TIAM1: variants seen among roughly 807,000 people sequenced by gnomAD.
The protein encoded by TIAM1 is TIAM Rac1 associated GEF 1.
TIAM1 carries 65 observed loss-of-function variants against 163.5 expected under a neutral mutation model. The observed-to-expected ratio is 0.40, with a 90% confidence interval of 0.33 to 0.49. The LOEUF (loss-of-function observed/expected upper bound fraction) is 0.49, where lower values mean the gene tolerates loss of function less well. Ranked by LOEUF, TIAM1 falls within the 20% of genes least tolerant of loss-of-function variation. The pLI, the probability that TIAM1 is intolerant of heterozygous loss-of-function variation, is 0.77. For missense variants in TIAM1, 1,789 were observed against 2,044.7 expected, an observed-to-expected ratio of 0.87 and a Z score of 2.41; for synonymous variants, 833 against 810.1, an observed-to-expected ratio of 1.03 and a Z score of -0.48.
intron 2 of TIAM1, among the ~76,000 whole-genome samples, chr21:31,294,418 C>T (rs978915518): frequency 1.3e-5 from 2 of 152,192 alleles, no homozygotes; most frequent in Non-Finnish European, 2.9e-5. Context: ...TCTGCTTCTC[C>T]ACCACAGAGC....
intron 2 of TIAM1, among the ~76,000 whole-genome samples, chr21:31,325,197 C>A (rs1052273721): frequency 2.6e-5 from 4 of 151,714 alleles, no homozygotes; most frequent in Non-Finnish European, 5.9e-5. Flanking sequence ...GGTAGGAAGA[C>A]CACTTGAGCC....
intron 2 of TIAM1, among the ~76,000 whole-genome samples, chr21:31,410,568 T>C (rs1207510893): frequency 1.3e-5 from 2 of 151,962 alleles, no homozygotes; most frequent in East Asian, 3.9e-4. Flanking sequence ...TGAGCAACTG[T>C]GTAAGAATGT....
chr21:31,275,732 C>A (rs1415397360), intron 3 of TIAM1, among the ~76,000 whole-genome samples: 1 of 152,162 alleles, frequency 6.6e-6, no homozygotes, highest in African/African-American at 2.4e-5. Flanking sequence ...TGCCTTATAA[C>A]AAGGGCACTT....
intron 2 of TIAM1, among the ~76,000 whole-genome samples, chr21:31,404,037 C>A (rs1344436631): frequency 6.6e-6 from 1 of 152,186 alleles, no homozygotes; most frequent in Admixed American, 6.5e-5. Context: ...GAAATCCACT[C>A]TAACAGTTAT....
At chr21:31,147,687 T>C (rs1429101915) in intron 19 of TIAM1, among the ~76,000 whole-genome samples, 1 of 144,968 alleles carries the variant, frequency 6.9e-6, no homozygotes, top group Non-Finnish European at 1.5e-5. Flanking sequence ...TATATAAATA[T>C]ATATTCTATA....
At chr21:31,284,279 C>T (rs142975190) in intron 2 of TIAM1, among the ~76,000 whole-genome samples, 136 of 152,262 alleles carry the variant, frequency 8.9e-4, no homozygotes, top group Middle Eastern at 6.8e-3. Flanking sequence ...CATATCAACA[C>T]CTTGGTTTAG....
chr21:31,147,202 G>A (rs1187371843), intron 19 of TIAM1, among the ~76,000 whole-genome samples, 199 bp from the exon 20 acceptor site: 1 of 152,084 alleles, frequency 6.6e-6, no homozygotes, highest in East Asian at 1.9e-4. Flanking sequence ...TTGTGTAAAA[G>A]GTGTTGGACT....
chr21:31,311,525 C>T (rs2146990524), intron 2 of TIAM1, among the ~76,000 whole-genome samples: 1 of 152,278 alleles, frequency 6.6e-6, no homozygotes, highest in South Asian at 2.1e-4. Flanking sequence ...GCCAAAACAG[C>T]TCCATTTCTG....
At chr21:31,430,827 TAA>T (rs1040552152) in intron 2 of TIAM1, among the ~76,000 whole-genome samples, 1 of 152,182 alleles carries the variant, frequency 6.6e-6, no homozygotes, top group East Asian at 1.9e-4. Context: ...TTTTCTAATT[TAA>T]AAAAGCCTCT....
chr21:31,374,874 A>G (rs1284406976), intron 2 of TIAM1, among the ~76,000 whole-genome samples: 2 of 152,250 alleles, frequency 1.3e-5, no homozygotes, highest in African/African-American at 2.4e-5. Context: ...ATTATTTTAA[A>G]CAGATAATAC....
At chr21:31,472,036 G>C (rs2045761391) in intron 1 of TIAM1, among the ~76,000 whole-genome samples, 1 of 152,002 alleles carries the variant, frequency 6.6e-6, no homozygotes, top group South Asian at 2.1e-4. Flanking sequence ...TCAGCTCAGA[G>C]GCACAAGGCT....
At chr21:31,170,773 C>CA (rs776743335) in intron 15 of TIAM1, among the ~76,000 whole-genome samples, 3 of 151,964 alleles carry the variant, frequency 2.0e-5, no homozygotes, top group Non-Finnish European at 4.4e-5. Context: ...TATAGTGGCT[C>CA]ACACCTGTAA....
intron 1 of TIAM1, among the ~76,000 whole-genome samples, chr21:31,542,146 C>A (rs539251180): frequency 6.6e-6 from 1 of 152,292 alleles, no homozygotes; most frequent in African/African-American, 2.4e-5. Flanking sequence ...GTACAGCAGG[C>A]CAGGTGCGGT....
intron 2 of TIAM1, among the ~76,000 whole-genome samples, chr21:31,378,136 C>CAAAA (rs367907079): frequency 2.5e-4 from 12 of 48,138 alleles, no homozygotes; most frequent in African/African-American, 8.0e-4. Context: ...AACTCTGTCT[C>CAAAA]AAAAAAAAAA....
intron 1 of TIAM1, among the ~76,000 whole-genome samples, chr21:31,551,393 G>C (rs761426304): frequency 6.6e-6 from 1 of 151,850 alleles, no homozygotes; most frequent in Non-Finnish European, 1.5e-5. Flanking sequence ...CTGGGGAACA[G>C]AGCGAGGCTC....
chr21:31,319,228 T>TAAA (rs11461290), intron 2 of TIAM1, among the ~76,000 whole-genome samples: 1 of 147,992 alleles, frequency 6.8e-6, no homozygotes, highest in Admixed American at 6.8e-5. Context: ...GGTGAACTGA[T>TAAA]AAAAAAAAAA....
chr21:31,197,832 G>A (rs1025160708), intron 12 of TIAM1, among the ~76,000 whole-genome samples: 1 of 152,006 alleles, frequency 6.6e-6, no homozygotes, highest in African/African-American at 2.4e-5. Flanking sequence ...AAATTCAGAA[G>A]ACCAGTTCAT....
At chr21:31,217,838 A>G (rs2087308984) in intron 8 of TIAM1, 139 bp from the exon 9 acceptor site, 2 of 958,130 alleles carry the variant, frequency 2.1e-6, no homozygotes, top group African/African-American at 3.3e-5. Flanking sequence ...TGCCTAAAGT[A>G]TTCAATCCAT....
chr21:31,440,930 T>C (rs996883897), intron 2 of TIAM1, among the ~76,000 whole-genome samples: 1 of 152,128 alleles, frequency 6.6e-6, no homozygotes, highest in African/African-American at 2.4e-5. Context: ...CTTTAATTAG[T>C]TGCAAAGGAA....
Sources: gnomAD v4.1 joint callset for allele counts (sites outside exome capture counted in the v4.1 genomes callset) on GRCh38, gnomAD v4.1.1 for gene constraint, MANE v1.5 for transcripts, NCBI Gene and HGNC (gene_info 2026-07-23, HGNC 2026-07-21) for gene names.